Variants in EML6 observed in about 807,000 individuals in gnomAD.
The protein encoded by EML6 is echinoderm microtubule-associated protein-like 6.
EML6 carries 154 observed loss-of-function variants against 240.1 expected under a neutral mutation model. The observed-to-expected ratio is 0.64, with a 90% CI of 0.56 to 0.73. EML6 has a LOEUF of 0.73. Among genes scored for constraint, EML6 ranks in the 30% least tolerant of loss-of-function variants. The pLI, the probability that EML6 is intolerant of heterozygous loss-of-function variation, is 0.00. For synonymous variants in EML6, 1,148 were observed against 899.0 expected (o/e 1.28, Z -4.95); for missense variants, 2,964 against 2,474.6 (o/e 1.20, Z -4.20).
chr2:54,960,374 G>A (rs758541359), intron 35 of EML6, 40 bp downstream of exon 35: 6 of 1,469,634 alleles, frequency 4.1e-6, no homozygotes, highest in Non-Finnish European at 5.6e-6. Flanking sequence ...GGCCAGGGAA[G>A]GGGGAAGTGT....
chr2:54,865,525 G>A (rs951449023), intron 13 of EML6, among the ~76,000 whole-genome samples: 1 of 152,154 alleles, frequency 6.6e-6, no homozygotes, highest in Non-Finnish European at 1.5e-5. Context: ...GACTTAAACA[G>A]TTTGAATATC....
chr2:54,881,792 C>T (rs377697687), intron 17 of EML6: 1 of 152,268 alleles, frequency 6.6e-6, no homozygotes, highest in African/African-American at 2.4e-5. Flanking sequence ...TCAGTCCTAC[C>T]CCTCACTTTA....
chr2:54,967,911 C>T (rs369046401), intron 39 of EML6, among the ~76,000 whole-genome samples: 8 of 152,144 alleles, frequency 5.3e-5, no homozygotes, highest in East Asian at 1.9e-4. Flanking sequence ...TGACAGGAGG[C>T]GGAGTTCAGG....
Position 54,863,833 on chromosome 2 carries a change from G to A in EML6, c.1876G>A (p.Val626Met), listed in dbSNP as rs1436807533. Residue 626 changes from valine (V) to methionine (M), a missense_variant, in exon 13 of 42, where the codon GTG becomes ATG. Transcript: ENST00000356458. The part of the protein sequence containing the change: ...SEESDSDLSD[V>M]PELDSDIEQE... ...AGAATCTGATTCAGATTTATCTGAT[G>A]TGCCCGAACTGGACTCTGATATTGA... 5.2e-6 allele frequency: 8 copies of A among 1,549,692 alleles called. No individual in the cohort carries two copies. The Admixed American group carries it at 1.2e-4, about 23-fold the overall frequency.
chr2:54,920,485 C>T (rs998253526), intron 26 of EML6, among the ~76,000 whole-genome samples: 3 of 152,174 alleles, frequency 2.0e-5, no homozygotes, highest in Middle Eastern at 3.4e-3. Flanking sequence ...CTGAACAGAT[C>T]AATAATGCAC....
intron 24 of EML6, 147 bp downstream of exon 24, chr2:54,903,649 C>T (rs1673172982): frequency 4.3e-6 from 3 of 698,748 alleles, no homozygotes; most frequent in Non-Finnish European, 6.8e-6. Context: ...TTTTACAACC[C>T]AGAGGCAGCT....
chr2:54,871,840 C>G (rs1312411538), intron 16 of EML6, among the ~76,000 whole-genome samples: 1 of 152,242 alleles, frequency 6.6e-6, no homozygotes, highest in East Asian at 1.9e-4. Context: ...CACACCGCTT[C>G]CCATCTTCCT....
intron 12 of EML6, among the ~76,000 whole-genome samples, chr2:54,861,805 AAC>A (rs1670687964): frequency 6.6e-6 from 1 of 151,462 alleles, no homozygotes; most frequent in Non-Finnish European, 1.5e-5. Flanking sequence ...CACAGAAACC[AAC>A]ACACAGTGTC....
At chr2:54,956,201 T>C (rs1676225330) in intron 32 of EML6, among the ~76,000 whole-genome samples, 1 of 151,996 alleles carries the variant, frequency 6.6e-6, no homozygotes, top group South Asian at 2.1e-4. Flanking sequence ...ACAAGGAAAA[T>C]ATAAACAGTG....
At chr2:54,731,062 A>G (rs1402354533) in intron 2 of EML6, among the ~76,000 whole-genome samples, 1 of 152,190 alleles carries the variant, frequency 6.6e-6, no homozygotes, top group East Asian at 1.9e-4. Flanking sequence ...CTCTAGGGAG[A>G]TGGCATTTAA....
intron 15 of EML6, among the ~76,000 whole-genome samples, chr2:54,870,053 T>C (rs1370326059): frequency 1.3e-5 from 2 of 152,252 alleles, no homozygotes; most frequent in Non-Finnish European, 2.9e-5. Flanking sequence ...ATTATACTTT[T>C]GTTCAGTTTT....
intron 25 of EML6, 92 bp downstream of exon 25, chr2:54,911,134 G>T: frequency 1.5e-6 from 1 of 654,964 alleles, no homozygotes; most frequent in Non-Finnish European, 2.7e-6. Context: ...CACTAATATG[G>T]GTTATATTTA....
intron 30 of EML6, among the ~76,000 whole-genome samples, chr2:54,952,335 TGTG>T (rs991718530): frequency 1.3e-5 from 2 of 152,078 alleles, no homozygotes; most frequent in African/African-American, 4.8e-5. Flanking sequence ...CACACAGAGT[TGTG>T]GGAAGTATCG....
chr2:54,777,991 A>G (rs1668672667), intron 2 of EML6, among the ~76,000 whole-genome samples: 1 of 152,232 alleles, frequency 6.6e-6, no homozygotes, highest in Non-Finnish European at 1.5e-5. Context: ...AAAGATAAAG[A>G]AAAAATGTTC....
Position 54,957,819 on chromosome 2 carries a change from C to A in EML6, c.4516C>A (p.Leu1506Met), listed in dbSNP as rs1676301931. 10 of 1,549,984 alleles carry A rather than the reference C, an allele frequency of 6.5e-6. No homozygotes were observed. The highest frequency in any genetic ancestry group is 2.7e-5 in the African/African-American group (2 of 72,998). Residue 1506 changes from leucine (L) to methionine (M), a missense_variant, in exon 33 of 42, where the codon CTG (leucine) becomes ATG (methionine). By Grantham distance (15) the Leu-to-Met change is conservative (BLOSUM62 2). Coordinates refer to ENST00000356458, the MANE Select transcript of EML6 (RefSeq NM_001039753.4). The stretch of plus-strand genomic sequence containing the variant: ...CAAGGTTGCCAGCCGAGGGGGTCAC[C>A]TGGAGCGCATATTTGTGGTGGAATT... ...GAKVASRGGH[L>M]ERIFVVEFRP...
chr2:54,845,550 A>G (rs181511167), intron 8 of EML6, among the ~76,000 whole-genome samples: 3 of 152,346 alleles, frequency 2.0e-5, no homozygotes, highest in African/African-American at 2.4e-5. Flanking sequence ...GAAGGCTAAA[A>G]GTCATAATTT....
At chr2:54,791,591 A>G (rs1172466368) in intron 2 of EML6, among the ~76,000 whole-genome samples, 1 of 152,234 alleles carries the variant, frequency 6.6e-6, no homozygotes, top group South Asian at 2.1e-4. Context: ...CTGAGGTACT[A>G]TAATAAAATA....
At chr2:54,850,295 C>A in intron 10 of EML6, 77 bp downstream of exon 10, 1 of 1,314,624 alleles carries the variant, frequency 7.6e-7, no homozygotes, top group South Asian at 1.5e-5. Context: ...GGACAAGTGT[C>A]ATGGCTCTTT....
chr2:54,905,179 G>A (rs1673257121), intron 24 of EML6, among the ~76,000 whole-genome samples: 2 of 152,046 alleles, frequency 1.3e-5, no homozygotes, highest in South Asian at 2.1e-4. Context: ...AGGAACTGGT[G>A]AGGCCGATGA....
Sources: gnomAD v4.1 joint callset for allele counts (sites outside exome capture counted in the v4.1 genomes callset) on GRCh38, gnomAD v4.1.1 for gene constraint, MANE v1.5 for transcripts, NCBI Gene and HGNC (gene_info 2026-07-23, HGNC 2026-07-21) for gene names.